The following TCTN2 variants were observed in gnomAD, a reference collection of about 807,000 sequenced individuals.
TCTN2 encodes tectonic-2.
TCTN2 carries 66 observed loss-of-function variants against 83.4 expected under a neutral mutation model. That is an observed-to-expected ratio of 0.79 (90% CI 0.65 to 0.97). The LOEUF (loss-of-function observed/expected upper bound fraction) is 0.97, where lower values mean the gene tolerates loss of function less well. TCTN2 is among the 50% of genes least tolerant of loss of function. TCTN2 has a pLI of 0.00. For synonymous variants in TCTN2, 301 were observed against 326.7 expected (o/e 0.92, Z 0.85); for missense variants, 794 against 858.1 (o/e 0.93, Z 0.93).
chr12:123,707,664 C>T lies in TCTN2; in HGVS notation c.2045C>T (p.Ala682Val). 1 of 1,614,138 alleles carries T rather than the reference C, an allele frequency of 6.2e-7. No homozygotes were observed. Among genetic ancestry groups the T allele is most frequent in the Non-Finnish European group, 8.5e-7 (1 of 1,180,008 alleles). The change falls in exon 18 of 18, where the codon GCC becomes GTC. Residue 682 changes from alanine (A) to valine (V), a missense_variant. Ala to Val is a moderately conservative substitution (Grantham distance 64). Transcript: ENST00000303372. ...GLLLLLFLTL[A>V]LFLSNPWTRI... Reference sequence around the variant, plus strand: ...CTGTTGCTGTTGTTCCTCACATTGGCCTTGTTCCTCAGCAACCCCTGGACC... The same window carrying T: ...CTGTTGCTGTTGTTCCTCACATTGGTCTTGTTCCTCAGCAACCCCTGGACC...
chr12:123,696,804 A>G, intron 12 of TCTN2: 1 of 528,728 alleles, frequency 1.9e-6, no homozygotes, highest in East Asian at 3.4e-5. Flanking sequence ...GAGACATGAA[A>G]ATAACTTCGT....
At chr12:123,680,753 G>A (rs1955890085) in intron 5 of TCTN2, among the ~76,000 whole-genome samples, 1 of 151,252 alleles carries the variant, frequency 6.6e-6, no homozygotes, top group South Asian at 2.1e-4. Context: ...CTGACCTCAG[G>A]TGATCTGCCT....
chr12:123,699,858 C>A, intron 14 of TCTN2, 48 bp downstream of exon 14: 2 of 1,464,644 alleles, frequency 1.4e-6, no homozygotes, highest in Non-Finnish European at 1.9e-6. Context: ...GTTGCTGTGA[C>A]TACCAACTGT....
intron 14 of TCTN2, among the ~76,000 whole-genome samples, chr12:123,702,387 CA>C (rs1482759381): frequency 6.6e-6 from 1 of 152,166 alleles, no homozygotes; most frequent in Admixed American, 6.6e-5. Flanking sequence ...CATACAGACA[CA>C]CACCTGTATT....
intron 15 of TCTN2, among the ~76,000 whole-genome samples, chr12:123,706,342 C>T (rs886749164): frequency 2.0e-5 from 3 of 152,122 alleles, no homozygotes; most frequent in Non-Finnish European, 4.4e-5. Context: ...CTCTGTGCCT[C>T]GAACGTGGAA....
At position 123,686,827 on chromosome 12, in the gene TCTN2, G is replaced by A. The variant is rs903832585; in HGVS notation, c.565-9G>A. On this transcript the variant is annotated splice_polypyrimidine_tract_variant and intron_variant, in intron 5 of 17. Transcript: ENST00000303372. ...GGTCACAGCTCCTGCCTTTATGTTTGTCTTCCAGGAATGCTCATCAAATTT... is the reference window on the plus strand; with the variant it reads ...GGTCACAGCTCCTGCCTTTATGTTTATCTTCCAGGAATGCTCATCAAATTT... 6.2e-7 allele frequency: 1 copy of A among 1,614,036 alleles called. No homozygotes were observed. The highest frequency in any genetic ancestry group is 8.5e-7 in the Non-Finnish European group (1 of 1,180,022).
At chr12:123,692,780 C>A in intron 9 of TCTN2, 57 bp downstream of exon 9, 2 of 1,334,580 alleles carry the variant, frequency 1.5e-6, no homozygotes, top group Non-Finnish European at 2.2e-6. Flanking sequence ...TCATTTCTTA[C>A]AAGTAATATA....
intron 4 of TCTN2, among the ~76,000 whole-genome samples, chr12:123,678,740 C>T (rs192862034): frequency 2.1e-4 from 32 of 150,822 alleles, no homozygotes; most frequent in Non-Finnish European, 4.0e-4. Context: ...TCATATACTT[C>T]GTGGATTCCT....
rs1593828510 is a variant in TCTN2, at chr12:123,672,086, T to C, written c.221T>C (p.Leu74Pro). 1 of 1,614,154 alleles carries C rather than the reference T, an allele frequency of 6.2e-7. No homozygotes were observed. Among genetic ancestry groups the C allele is most frequent in the South Asian group, 1.1e-5 (1 of 91,080 alleles). Residue 74 changes from leucine to proline, a missense_variant, in exon 3 of 18, where the codon CTG becomes CCG. Leu to Pro is a moderately conservative substitution (Grantham distance 98). Transcript: ENST00000303372. ...GILPIPTCGV[L>P]NNETEDWSVT... ...TTGCCAATTCCGACGTGTGGAGTGC[T>C]GAACAATGAGACGGAAGACTGGAGC...
rs1956121660 is a variant in TCTN2 at position 123,697,295 on chromosome 12, T to C, written c.1505+97T>C. The C allele has an allele frequency of 3.2e-5, 29 of 898,382 alleles. No individual in the cohort carries two copies. The South Asian group carries it at 3.6e-4, about 11-fold the overall frequency. The allele number at this position is 898,382 out of a possible 1,614,324, so 55.7% of individuals were successfully genotyped here. ...CAAAGACAGCATGAATATGAAAAAT[T>C]AGAGTCAATTAAAATGTGTAAAAGT... On this transcript the variant is annotated intron_variant, in intron 13 of 17. Transcript: ENST00000303372.
intron 11 of TCTN2, 72 bp from the exon 12 acceptor site, chr12:123,696,343 G>T (rs1956108108): frequency 1.6e-6 from 2 of 1,230,350 alleles, no homozygotes; most frequent in South Asian, 2.4e-5. Context: ...CATGACTCTT[G>T]TATTATTTGC....
At chr12:123,682,821 A>C (rs1413508713) in intron 5 of TCTN2, among the ~76,000 whole-genome samples, 1 of 152,100 alleles carries the variant, frequency 6.6e-6, no homozygotes, top group Non-Finnish European at 1.5e-5. Context: ...TGAGGCACAG[A>C]CATTTAAAAA....
chr12:123,689,663 A>C (rs747471096), intron 7 of TCTN2, among the ~76,000 whole-genome samples: 3 of 152,038 alleles, frequency 2.0e-5, no homozygotes, highest in African/African-American at 7.2e-5. Flanking sequence ...CCCTCCTCCT[A>C]CTCACTACCC....
At chr12:123,696,535 T>C (rs754336289) in intron 12 of TCTN2, 40 bp downstream of exon 12, 12 of 1,547,108 alleles carry the variant, frequency 7.8e-6, no homozygotes, top group South Asian at 2.2e-5. Context: ...CTTTGGCAAA[T>C]TGGTGTTAGA....
intron 4 of TCTN2, among the ~76,000 whole-genome samples, chr12:123,675,096 T>C (rs1223125941): frequency 6.6e-6 from 1 of 152,094 alleles, no homozygotes; most frequent in Non-Finnish European, 1.5e-5. Flanking sequence ...CAGGCTGGTT[T>C]TGAACTCCTG....
At chr12:123,698,387 A>G (rs563407232) in intron 13 of TCTN2, among the ~76,000 whole-genome samples, 1 of 150,690 alleles carries the variant, frequency 6.6e-6, no homozygotes, top group African/African-American at 2.4e-5. Flanking sequence ...GACAGTAGCC[A>G]TCCTAATAGA....
In TCTN2 at chr12:123,707,915, G is replaced by A. The variant is rs1192890485; in HGVS notation, c.*202G>A. On this transcript the variant is annotated 3_prime_UTR_variant, in exon 18 of 18. Transcript: ENST00000303372. Reference sequence around the variant, plus strand: ...AGTAGAGACAGGGTTCCACCGTATTGGCCAGGCTGCTCTCGAACTCCTGAC... The same window carrying A: ...AGTAGAGACAGGGTTCCACCGTATTAGCCAGGCTGCTCTCGAACTCCTGAC... 1.7e-6 allele frequency: 1 copy of A among 571,458 alleles called. No individual in the cohort carries two copies. The highest frequency in any genetic ancestry group is 3.1e-6 in the Non-Finnish European group (1 of 317,654). The allele number at this position is 571,458 out of a possible 1,614,324, so 35.4% of individuals were successfully genotyped here. A position where few individuals can be genotyped will look rare whatever the true frequency, so the allele number is the denominator to read the frequency against.
At chr12:123,692,130 C>T (rs543595191) in intron 8 of TCTN2, among the ~76,000 whole-genome samples, 53 of 152,098 alleles carry the variant, frequency 3.5e-4, no homozygotes, top group Non-Finnish European at 6.2e-4. Context: ...AGGCAGATCT[C>T]GAACTCCTGA....
In TCTN2 at chr12:123,695,632, C is replaced by T. The variant is rs1347297597; in HGVS notation, c.1312+335C>T. 3.8e-5 allele frequency: 7 copies of T among 182,540 alleles called. No individual in the cohort carries two copies. The South Asian group carries it at 7.2e-4, about 19-fold the overall frequency. 11.3% of individuals were successfully genotyped at this position (182,540 alleles called of 1,614,324 possible). ...ACACAACACAGGAAGTTTTATTCAT[C>T]TGCTACTTCTCCAAAGAGAGGCTTG... On this transcript the variant is annotated intron_variant, in intron 11 of 17. Coordinates refer to ENST00000303372, the MANE Select transcript of TCTN2 (RefSeq NM_024809.5).
Sources: allele counts gnomAD v4.1 joint callset (sites outside exome capture counted in the v4.1 genomes callset), GRCh38; gene constraint gnomAD v4.1.1; transcripts MANE v1.5; gene names NCBI Gene and HGNC (gene_info 2026-07-23, HGNC 2026-07-21).